The following EPHA6 variants were observed in gnomAD, a reference collection of about 807,000 sequenced individuals.
EPHA6 encodes ephrin type-A receptor 6.
A neutral mutation model predicts 112.0 loss-of-function variants in EPHA6; 50 were observed. That is an observed-to-expected ratio of 0.45 (90% confidence interval 0.36 to 0.56). The LOEUF (loss-of-function observed/expected upper bound fraction) is 0.56, where lower values mean the gene tolerates loss of function less well. Among genes scored for constraint, EPHA6 ranks in the 20% least tolerant of loss-of-function variants. The probability of loss-of-function intolerance (pLI) is 0.00; values close to 1 mark genes in which losing one functional copy is unlikely to be tolerated. For synonymous variants in EPHA6, 529 were observed against 490.7 expected (o/e 1.08, Z -1.03); for missense variants, 1,280 against 1,417.4 (o/e 0.90, Z 1.56).
chr3:96,816,679 T>C (rs2032811608), intron 1 of EPHA6, among the ~76,000 whole-genome samples: 1 of 152,082 alleles, frequency 6.6e-6, no homozygotes, highest in African/African-American at 2.4e-5. Context: ...TTTATTTATT[T>C]AAATACCTAT....
At chr3:97,356,918 T>C (rs779941378) in intron 5 of EPHA6, among the ~76,000 whole-genome samples, 4 of 152,160 alleles carry the variant, frequency 2.6e-5, no homozygotes, top group Non-Finnish European at 5.9e-5. Context: ...TATTCCTCCC[T>C]TCAATTCTAT....
intron 14 of EPHA6, among the ~76,000 whole-genome samples, chr3:97,702,839 T>C (rs928527934): frequency 1.3e-5 from 2 of 152,182 alleles, no homozygotes; most frequent in African/African-American, 4.8e-5. Context: ...TAGGATGTTA[T>C]CTTAAAACAA....
At chr3:97,279,327 C>T (rs1335431446) in intron 5 of EPHA6, among the ~76,000 whole-genome samples, 1 of 151,836 alleles carries the variant, frequency 6.6e-6, no homozygotes, top group Non-Finnish European at 1.5e-5. Context: ...ACAACCCACC[C>T]ATCACATACT....
At chr3:97,488,409 T>C (rs1283874302) in intron 10 of EPHA6, among the ~76,000 whole-genome samples, 3 of 152,194 alleles carry the variant, frequency 2.0e-5, no homozygotes, top group Non-Finnish European at 4.4e-5. Context: ...TCGATTCTGT[T>C]ATTCCGTCTT....
chr3:97,178,068 T>A (rs960457187), intron 3 of EPHA6, among the ~76,000 whole-genome samples: 1 of 152,042 alleles, frequency 6.6e-6, no homozygotes, highest in Admixed American at 6.6e-5. Flanking sequence ...TGAAGATGAT[T>A]TTTCTGGTGA....
intron 14 of EPHA6, among the ~76,000 whole-genome samples, chr3:97,716,206 A>C (rs1042613595): frequency 6.6e-6 from 1 of 152,230 alleles, no homozygotes; most frequent in Non-Finnish European, 1.5e-5. Flanking sequence ...ATTCAAGATC[A>C]TGGGCAAAAA....
chr3:96,906,759 T>C (rs1377913233), intron 2 of EPHA6, among the ~76,000 whole-genome samples: 1 of 151,904 alleles, frequency 6.6e-6, no homozygotes, highest in Non-Finnish European at 1.5e-5. Context: ...GTTTTTAAGA[T>C]CACCTTTTCT....
At chr3:97,558,138 T>C (rs2093139268) in intron 11 of EPHA6, among the ~76,000 whole-genome samples, 1 of 152,034 alleles carries the variant, frequency 6.6e-6, no homozygotes, top group Non-Finnish European at 1.5e-5. Context: ...TGAACCTTTC[T>C]ACTGAAACAT....
At chr3:97,253,222 C>T (rs2079194680) in intron 5 of EPHA6, among the ~76,000 whole-genome samples, 1 of 152,130 alleles carries the variant, frequency 6.6e-6, no homozygotes, top group Admixed American at 6.5e-5. Context: ...AATGATTAAA[C>T]AGTGATATGA....
intron 4 of EPHA6, among the ~76,000 whole-genome samples, chr3:97,232,360 A>G (rs1559815629): frequency 6.6e-6 from 1 of 152,198 alleles, no homozygotes; most frequent in Non-Finnish European, 1.5e-5. Context: ...GTTTTGAAAG[A>G]GTGTCTGGTA....
intron 14 of EPHA6, among the ~76,000 whole-genome samples, chr3:97,659,112 C>T (rs915747421): frequency 6.6e-6 from 1 of 151,882 alleles, no homozygotes; most frequent in Non-Finnish European, 1.5e-5. Flanking sequence ...TATTTAACTG[C>T]GAAGTTTCCC....
At chr3:97,675,820 T>C (rs888369882) in intron 14 of EPHA6, among the ~76,000 whole-genome samples, 2 of 152,204 alleles carry the variant, frequency 1.3e-5, no homozygotes, top group Non-Finnish European at 2.9e-5. Context: ...AGTAAAAGAA[T>C]GATTGCCTTT....
chr3:97,495,373 T>C (rs1472568264), intron 10 of EPHA6, among the ~76,000 whole-genome samples: 1 of 151,454 alleles, frequency 6.6e-6, no homozygotes, highest in East Asian at 1.9e-4. Context: ...TAAATTTGTA[T>C]AGATAGGTAA....
At chr3:97,712,423 T>C (rs911023344) in intron 14 of EPHA6, among the ~76,000 whole-genome samples, 8 of 152,218 alleles carry the variant, frequency 5.3e-5, no homozygotes, top group Non-Finnish European at 1.2e-4. Context: ...CCATGCAGTA[T>C]GTTTTCAAAA....
At chr3:97,469,722 G>T (rs1362829162) in intron 7 of EPHA6, among the ~76,000 whole-genome samples, 3 of 151,694 alleles carry the variant, frequency 2.0e-5, no homozygotes. Flanking sequence ...TGGGACATGG[G>T]AAAGGGATGA....
intron 5 of EPHA6, among the ~76,000 whole-genome samples, chr3:97,311,498 G>T (rs1486528645): frequency 6.7e-6 from 1 of 150,280 alleles, no homozygotes; most frequent in Non-Finnish European, 1.5e-5. Context: ...TCAATATTTT[G>T]ATTTGTTTTT....
intron 14 of EPHA6, among the ~76,000 whole-genome samples, chr3:97,688,952 C>G (rs1468305716): frequency 1.3e-5 from 2 of 152,024 alleles, no homozygotes; most frequent in African/African-American, 4.8e-5. Context: ...ATTGAGTAAA[C>G]CAAATGTATA....
At chr3:97,631,451 A>T (rs2093901988) in intron 13 of EPHA6, among the ~76,000 whole-genome samples, 1 of 152,026 alleles carries the variant, frequency 6.6e-6, no homozygotes, top group Non-Finnish European at 1.5e-5. Context: ...GTTTGGAATT[A>T]ATAATTTTAC....
intron 11 of EPHA6, among the ~76,000 whole-genome samples, chr3:97,554,933 T>A (rs968922038): frequency 6.6e-6 from 1 of 152,036 alleles, no homozygotes; most frequent in Non-Finnish European, 1.5e-5. Flanking sequence ...CCTTTTTTTT[T>A]TTAATTATTA....
Sources: allele counts gnomAD v4.1 joint callset (sites outside exome capture counted in the v4.1 genomes callset), GRCh38; gene constraint gnomAD v4.1.1; transcripts MANE v1.5; gene names NCBI Gene and HGNC (gene_info 2026-07-23, HGNC 2026-07-21).